The following SLC24A2 variants were observed in gnomAD, a reference collection of about 807,000 sequenced individuals.
SLC24A2 encodes the protein solute carrier family 24 member 2.
In SLC24A2, 36 loss-of-function variants were observed where a neutral mutation model predicts 62.0. The observed-to-expected ratio is 0.58, with a 90% CI of 0.44 to 0.77. The LOEUF is 0.77. SLC24A2 is among the 30% of genes least tolerant of loss of function. The pLI, the probability that SLC24A2 is intolerant of heterozygous loss-of-function variation, is 0.00. For missense variants in SLC24A2, 846 were observed against 817.9 expected (o/e 1.03, Z -0.42); for synonymous variants, 358 against 294.0 (o/e 1.22, Z -2.23).
the SLC24A2 span, among the ~76,000 whole-genome samples, chr9:20,100,212 T>C: frequency 2.0e-5 from 3 of 151,950 alleles, no homozygotes; most frequent in Non-Finnish European, 4.4e-5. Context: ...TTGTTTTTTT[T>C]GTTTTTTTGT....
the SLC24A2 span, among the ~76,000 whole-genome samples, chr9:20,092,945 T>C: frequency 6.6e-6 from 1 of 152,310 alleles, no homozygotes; most frequent in South Asian, 2.1e-4. Flanking sequence ...GCAAATAGTT[T>C]CTTTTTTATA....
chr9:20,186,382 C>T, the SLC24A2 span, among the ~76,000 whole-genome samples: 13 of 152,130 alleles, frequency 8.5e-5, no homozygotes, highest in Non-Finnish European at 1.6e-4. Context: ...AACCGGGGCC[C>T]TACTTACTGT....
At chr9:19,702,221 T>C (rs752483656) in intron 2 of SLC24A2, among the ~76,000 whole-genome samples, 2 of 152,220 alleles carry the variant, frequency 1.3e-5, no homozygotes, top group African/African-American at 2.4e-5. Flanking sequence ...TTCCCATGAA[T>C]GCAGGTTTTA....
At chr9:20,002,285 G>A in the SLC24A2 span, among the ~76,000 whole-genome samples, 2 of 151,780 alleles carry the variant, frequency 1.3e-5, no homozygotes, top group African/African-American at 2.4e-5. Flanking sequence ...AGGTGTCTCT[G>A]AGCAATGCAC....
chr9:19,873,226 T>C, the SLC24A2 span, among the ~76,000 whole-genome samples: 1 of 151,362 alleles, frequency 6.6e-6, no homozygotes, highest in African/African-American at 2.4e-5. Context: ...CCTCTCTCCC[T>C]TCCTTCGTCT....
chr9:20,087,714 C>G, the SLC24A2 span, among the ~76,000 whole-genome samples: 2 of 152,202 alleles, frequency 1.3e-5, 1 homozygote, highest in South Asian at 4.1e-4. Context: ...TGACTAGAAG[C>G]AGCTAGTGTG....
the SLC24A2 span, among the ~76,000 whole-genome samples, chr9:20,101,867 G>A: frequency 2.0e-5 from 3 of 152,198 alleles, no homozygotes; most frequent in Admixed American, 2.0e-4. Context: ...CCTTACCATT[G>A]AAAGCCTGCC....
the SLC24A2 span, among the ~76,000 whole-genome samples, chr9:20,019,150 A>G: frequency 1.3e-4 from 15 of 116,662 alleles, 1 homozygote; most frequent in Non-Finnish European, 2.5e-4. Flanking sequence ...AGAAAGAAAG[A>G]AAGAAAGAGA....
At chr9:19,893,524 A>C in the SLC24A2 span, among the ~76,000 whole-genome samples, 2 of 152,350 alleles carry the variant, frequency 1.3e-5, no homozygotes, top group South Asian at 4.1e-4. Flanking sequence ...TTATTATAAT[A>C]GTAGCTACTG....
At chr9:20,276,814 C>T in the SLC24A2 span, among the ~76,000 whole-genome samples, 1 of 152,228 alleles carries the variant, frequency 6.6e-6, no homozygotes. Context: ...CATGTGTAAG[C>T]CACCAAAGTT....
At chr9:20,110,492 T>C in the SLC24A2 span, among the ~76,000 whole-genome samples, 1 of 152,084 alleles carries the variant, frequency 6.6e-6, no homozygotes, top group Non-Finnish European at 1.5e-5. Context: ...ACTTAAGTGA[T>C]TATAACAATC....
At chr9:20,000,806 TTCC>T in the SLC24A2 span, among the ~76,000 whole-genome samples, 11 of 152,204 alleles carry the variant, frequency 7.2e-5, no homozygotes, top group South Asian at 2.3e-3. Flanking sequence ...TGTGAGACTG[TTCC>T]TCCTCTATAC....
intron 2 of SLC24A2, among the ~76,000 whole-genome samples, chr9:19,764,762 A>G (rs1822774910): frequency 6.6e-6 from 1 of 152,180 alleles, no homozygotes; most frequent in South Asian, 2.1e-4. Flanking sequence ...TGCAGAGAAG[A>G]ATGTGTATTC....
chr9:20,174,597 A>T, the SLC24A2 span, among the ~76,000 whole-genome samples: 1 of 152,292 alleles, frequency 6.6e-6, no homozygotes, highest in African/African-American at 2.4e-5. Context: ...AACATATGAA[A>T]AAATGCTCAA....
At chr9:19,847,911 T>A in the SLC24A2 span, among the ~76,000 whole-genome samples, 32 of 152,228 alleles carry the variant, frequency 2.1e-4, no homozygotes, top group Non-Finnish European at 8.8e-5. Flanking sequence ...ATTTTATGTT[T>A]GGATAGACAA....
At chr9:20,019,087 A>G in the SLC24A2 span, among the ~76,000 whole-genome samples, 1 of 43,342 alleles carries the variant, frequency 2.3e-5, no homozygotes, top group East Asian at 1.2e-3. Flanking sequence ...GAAAGAGAGA[A>G]AGAAAGAAAG....
chr9:20,113,834 A>G, the SLC24A2 span, among the ~76,000 whole-genome samples: 2 of 152,186 alleles, frequency 1.3e-5, no homozygotes, highest in Non-Finnish European at 2.9e-5. Context: ...AGATGGAGTA[A>G]CTGCATTCAG....
At chr9:19,666,633 ATTTC>A (rs1819261806) in intron 2 of SLC24A2, among the ~76,000 whole-genome samples, 2 of 152,182 alleles carry the variant, frequency 1.3e-5, no homozygotes, top group Non-Finnish European at 2.9e-5. Context: ...GAGAGTATAT[ATTTC>A]TTTATTTCCA....
At chr9:19,704,056 T>C (rs1820434823) in intron 2 of SLC24A2, among the ~76,000 whole-genome samples, 1 of 152,308 alleles carries the variant, frequency 6.6e-6, no homozygotes, top group Non-Finnish European at 1.5e-5. Context: ...GCATCAATAC[T>C]GGGGACCCTG....
Sources: gnomAD v4.1 joint callset for allele counts (sites outside exome capture counted in the v4.1 genomes callset) on GRCh38, gnomAD v4.1.1 for gene constraint, MANE v1.5 for transcripts, NCBI Gene and HGNC (gene_info 2026-07-23, HGNC 2026-07-21) for gene names.